Variants in ESRRG observed in about 807,000 individuals in gnomAD.
The protein encoded by ESRRG is estrogen related receptor gamma.
ESRRG carries 13 observed loss-of-function variants against 44.0 expected under a neutral mutation model. The ratio of observed to expected loss-of-function variants is 0.30; its 90% confidence interval spans 0.19 to 0.47. The LOEUF (loss-of-function observed/expected upper bound fraction) is 0.47, where lower values mean the gene tolerates loss of function less well. Ranked by LOEUF, ESRRG falls within the 20% of genes least tolerant of loss-of-function variation. The pLI is 1.00. For missense variants in ESRRG, 395 were observed against 580.6 expected, an observed-to-expected ratio of 0.68 and a Z score of 3.29; for synonymous variants, 215 against 214.6, an observed-to-expected ratio of 1.00 and a Z score of -0.02.
intron 1 of ESRRG, among the ~76,000 whole-genome samples, chr1:217,099,509 G>A (rs940433473): frequency 1.3e-5 from 2 of 152,086 alleles, no homozygotes; most frequent in Non-Finnish European, 2.9e-5. Context: ...CTAATATAAT[G>A]TGGATAGCCA....
intron 2 of ESRRG, among the ~76,000 whole-genome samples, chr1:216,797,485 C>A (rs949330188): frequency 2.0e-5 from 3 of 152,120 alleles, no homozygotes; most frequent in African/African-American, 7.2e-5. Context: ...ATACCCATCC[C>A]TCCAGATCCA....
At chr1:216,967,315 T>C (rs1040137602) in intron 1 of ESRRG, among the ~76,000 whole-genome samples, 2 of 152,122 alleles carry the variant, frequency 1.3e-5, no homozygotes, top group African/African-American at 4.8e-5. Context: ...ATAAATGTAA[T>C]GACATGTACC....
intron 1 of ESRRG, among the ~76,000 whole-genome samples, chr1:217,052,325 G>A (rs1156736073): frequency 1.3e-5 from 2 of 152,180 alleles, no homozygotes; most frequent in African/African-American, 2.4e-5. Context: ...TTAAGATTTG[G>A]TGCAGAAAAT....
chr1:216,941,260 T>C (rs2065179490), intron 1 of ESRRG, among the ~76,000 whole-genome samples: 1 of 152,190 alleles, frequency 6.6e-6, no homozygotes, highest in Non-Finnish European at 1.5e-5. Flanking sequence ...TTTAGGTTGT[T>C]GCTTTTTTAA....
Position 216,878,571 on chromosome 1 carries a change from G to A in ESRRG, c.-14+61011C>T, listed in dbSNP as rs554849846. 2.6e-5 allele frequency among the ~76,000 whole-genome samples: 4 copies of A among 152,228 alleles called. No individual in the cohort carries two copies. The East Asian group carries it at 7.7e-4, about 29-fold the overall frequency. On this transcript the variant is annotated intron_variant, in intron 2 of 7. Coordinates refer to the ESRRG transcript ENST00000359162. ...TATCTCTATAATACATCTGGAGATT[G>A]TCTTGGTAAGAGGCATTAGGAAGAA...
chr1:216,613,687 A>C (rs559475559), intron 3 of ESRRG, among the ~76,000 whole-genome samples: 5 of 152,320 alleles, frequency 3.3e-5, no homozygotes, highest in African/African-American at 1.2e-4. Context: ...CTGCTTAGAA[A>C]ACTTCAGGTT....
At chr1:217,103,850 T>C (rs2092554275) in intron 1 of ESRRG, among the ~76,000 whole-genome samples, 2 of 152,098 alleles carry the variant, frequency 1.3e-5, no homozygotes, top group South Asian at 4.1e-4. Flanking sequence ...ATATTTTTTC[T>C]GTTTGAGAAA....
chr1:216,640,954 C>A (rs1378197521), intron 3 of ESRRG, among the ~76,000 whole-genome samples: 2 of 152,154 alleles, frequency 1.3e-5, no homozygotes, highest in Non-Finnish European at 2.9e-5. Context: ...AATGTTCAAG[C>A]AGGTTTCCCC....
chr1:216,868,586 G>A (rs1008230672), intron 2 of ESRRG, among the ~76,000 whole-genome samples: 9 of 151,916 alleles, frequency 5.9e-5, no homozygotes, highest in African/African-American at 1.9e-4. Flanking sequence ...AAATATCCAC[G>A]AGTGGGATTT....
intron 2 of ESRRG, among the ~76,000 whole-genome samples, chr1:216,848,818 CTT>C (rs1313562738): frequency 6.6e-6 from 1 of 151,922 alleles, no homozygotes; most frequent in Non-Finnish European, 1.5e-5. Context: ...TTTTTTCACT[CTT>C]TGAAGAATCA....
At chr1:216,794,685 T>C (rs1346661164) in intron 2 of ESRRG, among the ~76,000 whole-genome samples, 3 of 152,176 alleles carry the variant, frequency 2.0e-5, no homozygotes, top group Non-Finnish European at 4.4e-5. Flanking sequence ...ATTAGAATTA[T>C]TACTCCAGAG....
At chr1:217,071,129 G>A (rs2090502671) in intron 1 of ESRRG, among the ~76,000 whole-genome samples, 1 of 152,000 alleles carries the variant, frequency 6.6e-6, no homozygotes, top group South Asian at 2.1e-4. Flanking sequence ...TGATATTTCT[G>A]TGATTATTAA....
At chr1:216,913,717 T>C (rs933909469) in intron 2 of ESRRG, among the ~76,000 whole-genome samples, 2 of 152,360 alleles carry the variant, frequency 1.3e-5, no homozygotes, top group Admixed American at 1.3e-4. Flanking sequence ...AAGGTGGTTA[T>C]GAATATCAAA....
intron 1 of ESRRG, among the ~76,000 whole-genome samples, chr1:217,005,841 G>A (rs977554253): frequency 6.6e-6 from 1 of 152,006 alleles, no homozygotes; most frequent in Non-Finnish European, 1.5e-5. Flanking sequence ...TAGGAAAAGT[G>A]CTTTCGCTTA....
chr1:216,800,077 T>C (rs995881600), intron 2 of ESRRG, among the ~76,000 whole-genome samples: 2 of 152,136 alleles, frequency 1.3e-5, no homozygotes, highest in African/African-American at 4.8e-5. Flanking sequence ...AATTAAGAAA[T>C]GTAGACTAAA....
chr1:216,866,433 G>A (rs557356993), intron 2 of ESRRG, among the ~76,000 whole-genome samples: 1 of 152,188 alleles, frequency 6.6e-6, no homozygotes, highest in African/African-American at 2.4e-5. Flanking sequence ...AAAGCAACAA[G>A]CATGTACATT....
intron 2 of ESRRG, among the ~76,000 whole-genome samples, chr1:216,815,444 T>C (rs962567987): frequency 3.3e-5 from 5 of 152,198 alleles, no homozygotes; most frequent in Non-Finnish European, 7.3e-5. Flanking sequence ...ATTGTTGGTT[T>C]GGCATTATCT....
At chr1:216,590,031 A>C (rs913452823) in intron 3 of ESRRG, among the ~76,000 whole-genome samples, 3 of 152,016 alleles carry the variant, frequency 2.0e-5, no homozygotes, top group African/African-American at 7.2e-5. Flanking sequence ...ACTGCAAGAT[A>C]ATAAAACTTA....
At chr1:216,908,844 A>G (rs1280871051) in intron 2 of ESRRG, among the ~76,000 whole-genome samples, 1 of 151,730 alleles carries the variant, frequency 6.6e-6, no homozygotes, top group Non-Finnish European at 1.5e-5. Flanking sequence ...AAAAAAAAAA[A>G]CATAGAGCAT....
Sources: gnomAD v4.1 joint callset for allele counts (sites outside exome capture counted in the v4.1 genomes callset) on GRCh38, gnomAD v4.1.1 for gene constraint, MANE v1.5 for transcripts, NCBI Gene and HGNC (gene_info 2026-07-23, HGNC 2026-07-21) for gene names.